Variants in NR1D1 observed in about 807,000 individuals in gnomAD.
NR1D1 encodes Rev-ErbAalpha.
A neutral mutation model predicts 51.1 loss-of-function variants in NR1D1; 17 were observed. The ratio of observed to expected loss-of-function variants is 0.33; its 90% confidence interval spans 0.23 to 0.50. The LOEUF (loss-of-function observed/expected upper bound fraction) is 0.50, where lower values mean the gene tolerates loss of function less well. NR1D1 is among the 20% of genes least tolerant of loss of function. The probability of loss-of-function intolerance (pLI) is 0.98; values close to 1 mark genes in which losing one functional copy is unlikely to be tolerated. For synonymous variants in NR1D1, 341 were observed against 333.4 expected (o/e 1.02, Z -0.25); for missense variants, 647 against 830.4 (o/e 0.78, Z 2.71).
In NR1D1 at chr17:40,092,973, C is replaced by A; in HGVS notation, c.*110G>T. On this transcript the variant is annotated 3_prime_UTR_variant, in exon 8 of 8. Transcript: ENST00000246672. Reference sequence around the variant, plus strand: ...AGGCTCATCTTGGAATATTTTATAACAATATAAATAAGATTCTGGTTTGCT... The same window carrying A: ...AGGCTCATCTTGGAATATTTTATAAAAATATAAATAAGATTCTGGTTTGCT... 6.3e-7 allele frequency: 1 copy of A among 1,585,844 alleles called. No homozygotes were observed. The highest frequency in any genetic ancestry group is 1.1e-5 in the South Asian group (1 of 88,944).
chr17:40,094,842 G>A, intron 6 of NR1D1, 93 bp downstream of exon 6: 1 of 1,191,172 alleles, frequency 8.4e-7, no homozygotes. Flanking sequence ...AGGTTGCAGT[G>A]AGTGGAGATC....
chr17:40,097,814 A>T (rs2145103973), intron 1 of NR1D1, among the ~76,000 whole-genome samples: 1 of 152,356 alleles, frequency 6.6e-6, no homozygotes, highest in Middle Eastern at 3.4e-3. Context: ...GCTGATTTTA[A>T]CACTAAGACC....
At position 40,096,073 on chromosome 17, in the gene NR1D1, G is replaced by A. The variant is rs201460580; in HGVS notation, c.619C>T (p.Arg207Cys). ...GMSRDAVRFG[R>C]IPKREKQRML... is the part of the protein sequence containing the mutation. ...CGCTGCTTCTCTCGTTTGGGGATGC[G>A]CCCAAAACGCACAGCTGCAACAGGA... The change falls in exon 5 of 8, where the codon CGC becomes TGC. Residue 207 changes from arginine (R) to cysteine (C), a missense_variant. Transcript: ENST00000246672. 1.2e-6 allele frequency: 2 copies of A among 1,612,424 alleles called. No homozygotes were observed. The highest frequency in any genetic ancestry group is 1.7e-6 in the Non-Finnish European group (2 of 1,179,822).
rs539032974 is a variant in NR1D1, at chr17:40,093,412, A to G, written c.1646-130T>C. 1.4e-5 allele frequency: 23 copies of G among 1,596,392 alleles called. No homozygotes were observed. In the South Asian group the frequency reaches 1.7e-4, roughly 12 times the overall value. On this transcript the variant is annotated intron_variant, in intron 7 of 7. Transcript: ENST00000246672. The surrounding 1 kb of genome is among the most constrained non-coding windows in gnomAD (Gnocchi z 5.9). ...CCCCAGAAGGCCGATGGGGAAGGAG[A>G]AGGAGTGCCATACCTTCTCCCAGGC...
At position 40,093,201 on chromosome 17, in the gene NR1D1, T is replaced by C. The variant is rs1368916608; in HGVS notation, c.1727A>G (p.Lys576Arg). Residue 576 changes from lysine to arginine, a missense_variant, in exon 8 of 8, where the codon AAG (lysine) becomes AGG (arginine). Transcript: ENST00000246672. This position sits in a 1 kb window ranked among gnomAD's most constrained non-coding sequence, Gnocchi z 5.9. ...LLRALRALVLKNRPLETSRFT... is the reference protein window; with the variant it reads ...LLRALRALVLRNRPLETSRFT... ...GCGGGAAGTCTCCAAGGGCCGGTTC[T>C]TCAGCACCAGAGCCCGAAGAGCCCG... 1 of 1,613,824 alleles carries C rather than the reference T, an allele frequency of 6.2e-7. No individual in the cohort carries two copies. The highest frequency in any genetic ancestry group is 8.5e-7 in the Non-Finnish European group (1 of 1,180,018).
rs1567661899 is a variant in NR1D1 at position 40,100,505 on chromosome 17, G to A, written c.-411C>T. ...AGAGGTTGCAACCAGGAAGTAAGTAGGTGATGGGGAGAAACGGGGCACCGA... is the reference window on the plus strand; with the variant it reads ...AGAGGTTGCAACCAGGAAGTAAGTAAGTGATGGGGAGAAACGGGGCACCGA... On this transcript the variant is annotated 5_prime_UTR_variant, in exon 1 of 8. Transcript: ENST00000246672. 6.6e-6 allele frequency: 3 copies of A among 452,720 alleles called. No homozygotes were observed. The highest frequency in any genetic ancestry group is 6.7e-5 in the East Asian group (2 of 29,786). 28.0% of individuals were successfully genotyped at this position (452,720 alleles called of 1,614,324 possible).
At position 40,094,197 on chromosome 17, in the gene NR1D1, G is replaced by C. The variant is rs1032539725; in HGVS notation, c.1435-75C>G. ...ACCAAATCGCCCCTGTAGTTTGCCA[G>C]AGGGTTTAGCGGTGCTGCCTTCGAT... On this transcript the variant is annotated intron_variant, in intron 6 of 7. Transcript: ENST00000246672. 8 of 1,409,914 alleles carry C rather than the reference G, an allele frequency of 5.7e-6. 1 individual carries two copies. The highest frequency in any genetic ancestry group is 4.2e-5 in the African/African-American group (3 of 70,936). 87.3% of individuals were successfully genotyped at this position (1,409,914 alleles called of 1,614,324 possible).
At chr17:40,094,574 G>A in intron 6 of NR1D1, among the ~76,000 whole-genome samples, 1 of 152,214 alleles carries the variant, frequency 6.6e-6, no homozygotes, top group East Asian at 1.9e-4. Flanking sequence ...CCAGACAGCA[G>A]GGCTTTCTGT....
intron 1 of NR1D1, among the ~76,000 whole-genome samples, chr17:40,098,996 T>C (rs926772781): frequency 1.4e-5 from 2 of 140,584 alleles, no homozygotes; most frequent in African/African-American, 5.6e-5. Context: ...TCCATGTTAC[T>C]TTGTTTTGGT....
At chr17:40,098,457 C>T (rs1374604712) in intron 1 of NR1D1, among the ~76,000 whole-genome samples, 1 of 152,124 alleles carries the variant, frequency 6.6e-6, no homozygotes, top group African/African-American at 2.4e-5. Context: ...CAGATCAGCT[C>T]CCCCGGTTTC....
Position 40,095,812 on chromosome 17 carries a change from G to A in NR1D1, c.880C>T (p.Arg294Trp), listed in dbSNP as rs760391107. The change falls in exon 5 of 8, where the codon CGG (arginine) becomes TGG (tryptophan). Residue 294 changes from arginine to tryptophan, a missense_variant. Around this residue, in one of 7 missense-constraint regions of NR1D1, gnomAD observed 51 missense variants for 75.9 expected, o/e 0.67. Coordinates refer to ENST00000246672, the MANE Select transcript of NR1D1 (RefSeq NM_021724.5). The part of the protein sequence containing the change: ...TVEDVISQVA[R>W]AHREIFTYAH... ...TAGGTGAAGATCTCTCGATGGGCCCGGGCCACCTGGGATATCACATCCTCC... is the reference window on the plus strand; with the variant it reads ...TAGGTGAAGATCTCTCGATGGGCCCAGGCCACCTGGGATATCACATCCTCC... 1.1e-5 allele frequency: 18 copies of A among 1,613,586 alleles called. No individual in the cohort carries two copies. The highest frequency in any genetic ancestry group is 1.4e-5 in the Non-Finnish European group (16 of 1,179,914).
At position 40,093,887 on chromosome 17, in the gene NR1D1, C is replaced by T. The variant is rs781266337; in HGVS notation, c.1645+25G>A. The stretch of plus-strand genomic sequence containing the variant: ...ATTGAACTGCGTCTGCCTCCTCCCC[C>T]GGGTCAGGCGAGAGCCTGACCTACC... On this transcript the variant is annotated intron_variant, in intron 7 of 7. Transcript: ENST00000246672. This position sits in a 1 kb window ranked among gnomAD's most constrained non-coding sequence, Gnocchi z 5.9. The T allele has an allele frequency of 4.2e-5, 67 of 1,599,254 alleles. No homozygotes were observed. The highest frequency in any genetic ancestry group is 8.9e-5 in the East Asian group (4 of 44,822).
chr17:40,099,242 C>T (rs916780665), intron 1 of NR1D1, among the ~76,000 whole-genome samples: 4 of 152,236 alleles, frequency 2.6e-5, no homozygotes, highest in African/African-American at 4.8e-5. Context: ...GCCCCGCCTC[C>T]TACCCGCCCT....
chr17:40,096,997 TAA>T, intron 2 of NR1D1, 66 bp downstream of exon 2: 1 of 1,458,564 alleles, frequency 6.9e-7, no homozygotes, highest in Non-Finnish European at 9.4e-7. Flanking sequence ...TGGTGTCACG[TAA>T]AAACCCATTC....
At chr17:40,095,402 C>T (rs1197068601) in intron 5 of NR1D1, 42 bp downstream of exon 5, 5 of 1,510,640 alleles carry the variant, frequency 3.3e-6, no homozygotes, top group African/African-American at 2.8e-5. Context: ...TGCCAGGCCC[C>T]CCCAATCTTC....
Position 40,096,780 on chromosome 17 carries a change from CTG to C in NR1D1, c.371-3_371-2del. ...CACAGTAACACCATGCCATTCAGCT[CTG>C]TGGAAGAGACGGGCAGCAGGTGAGC... On this transcript the variant is annotated splice_acceptor_variant and splice_polypyrimidine_tract_variant and intron_variant, in intron 2 of 7. Coordinates refer to ENST00000246672, the MANE Select transcript of NR1D1 (RefSeq NM_021724.5). LOFTEE classifies it high-confidence loss of function. The C allele has an allele frequency of 6.2e-7, 1 of 1,614,136 alleles. No homozygotes were observed.
intron 1 of NR1D1, among the ~76,000 whole-genome samples, chr17:40,099,361 C>T (rs1046448673): frequency 2.0e-5 from 3 of 152,196 alleles, no homozygotes; most frequent in African/African-American, 7.2e-5. Context: ...GGGGGCGGAG[C>T]TCATTATGTA....
Position 40,093,771 on chromosome 17 carries a change from C to T in NR1D1, c.1645+141G>A, listed in dbSNP as rs933109275. The T allele has an allele frequency of 1.8e-5, 13 of 739,306 alleles. No homozygotes were observed. The African/African-American group carries it at 1.9e-4, about 11-fold the overall frequency. The allele number at this position is 739,306 out of a possible 1,614,324, so 45.8% of individuals were successfully genotyped here. A position where few individuals can be genotyped will look rare whatever the true frequency, so the allele number is the denominator to read the frequency against. The stretch of plus-strand genomic sequence containing the variant: ...AATTAGTCGGGCATGAGTCTGTTTC[C>T]CAAGCTAGACTGTGTCTGAATCATG... On this transcript the variant is annotated intron_variant, in intron 7 of 7. Coordinates refer to ENST00000246672, the MANE Select transcript of NR1D1 (RefSeq NM_021724.5). This position sits in a 1 kb window ranked among gnomAD's most constrained non-coding sequence, Gnocchi z 5.9.
At chr17:40,099,924 A>G (rs758544709) in intron 1 of NR1D1, 140 bp downstream of exon 1, 11 of 703,378 alleles carry the variant, frequency 1.6e-5, no homozygotes, top group Non-Finnish European at 2.8e-5. Flanking sequence ...GAAATCCCAC[A>G]CTAAAGCACC....
Sources: allele counts gnomAD v4.1 joint callset (sites outside exome capture counted in the v4.1 genomes callset), GRCh38; gene constraint gnomAD v4.1.1; regional missense constraint gnomAD v4.1.1; non-coding constraint Gnocchi (gnomAD v3.1); transcripts MANE v1.5; gene names NCBI Gene and HGNC (gene_info 2026-07-23, HGNC 2026-07-21).